The following HLCS variants were observed in gnomAD, a reference collection of about 807,000 sequenced individuals.
HLCS encodes holocarboxylase synthetase, also known as biotin--protein ligase.
HLCS carries 53 observed loss-of-function variants against 75.0 expected under a neutral mutation model. That is an observed-to-expected ratio of 0.71 (90% CI 0.57 to 0.89). The LOEUF (loss-of-function observed/expected upper bound fraction) is 0.89, where lower values mean the gene tolerates loss of function less well. HLCS is among the 40% of genes least tolerant of loss of function. HLCS has a pLI of 0.00. For missense variants in HLCS, 966 were observed against 1,074.0 expected (o/e 0.90, Z 1.41); for synonymous variants, 431 against 428.6 (o/e 1.01, Z -0.07).
chr21:36,797,022 A>T (rs2061046390), intron 6 of HLCS, among the ~76,000 whole-genome samples: 1 of 152,058 alleles, frequency 6.6e-6, no homozygotes, highest in South Asian at 2.1e-4. Flanking sequence ...GCACACAACC[A>T]CACCCGGCTA....
At position 36,892,410 on chromosome 21, in the gene HLCS, G is replaced by A. The variant is rs7278981; in HGVS notation, c.1892+4450C>T. Among the ~76,000 whole-genome samples, 1,433 of 152,324 alleles carry A rather than the reference G, an allele frequency of 9.4e-3. 15 individuals are homozygous for A. Among genetic ancestry groups the A allele is most frequent in the African/African-American group, 0.029 (1,206 of 41,566 alleles). On this transcript the variant is annotated intron_variant, in intron 6 of 10. Transcript: ENST00000674895. The stretch of plus-strand genomic sequence containing the variant: ...GGGGGTGCAGGGAGACTTGATGGTC[G>A]TGATTTCTACTACAGCAGTGTGGCA...
intron 5 of HLCS, among the ~76,000 whole-genome samples, chr21:36,898,427 A>G (rs1272651127): frequency 7.6e-6 from 1 of 131,952 alleles, no homozygotes; most frequent in Non-Finnish European, 1.6e-5. Flanking sequence ...GCCTGGCAAC[A>G]AAGAGTGAAA....
chr21:36,786,764 T>A (rs1397757138), intron 6 of HLCS, among the ~76,000 whole-genome samples: 3 of 152,232 alleles, frequency 2.0e-5, no homozygotes, highest in Non-Finnish European at 4.4e-5. Context: ...TCCTATGAAT[T>A]AAATGACATA....
chr21:36,820,161 T>A (rs1048337861), intron 6 of HLCS, among the ~76,000 whole-genome samples: 58 of 152,114 alleles, frequency 3.8e-4, no homozygotes, highest in Non-Finnish European at 8.8e-5. Context: ...CAGGGAGCAG[T>A]GGCCTGGCAG....
intron 2 of HLCS, among the ~76,000 whole-genome samples, chr21:36,960,135 C>A (rs1311700899): frequency 1.9e-5 from 2 of 106,458 alleles, no homozygotes; most frequent in East Asian, 3.6e-4. Context: ...CCACCCACCC[C>A]CCCCCCCCCC....
chr21:36,956,883 C>T (rs1192809546), intron 2 of HLCS, among the ~76,000 whole-genome samples: 1 of 151,824 alleles, frequency 6.6e-6, no homozygotes, highest in Non-Finnish European at 1.5e-5. Flanking sequence ...AAAACCCCGT[C>T]TCTACTAAAA....
intron 1 of HLCS, among the ~76,000 whole-genome samples, chr21:36,979,983 G>A (rs900340830): frequency 1.1e-4 from 13 of 123,080 alleles, no homozygotes; most frequent in African/African-American, 2.8e-4. Flanking sequence ...CCGCAATCAC[G>A]CCACTTGTAC....
chr21:36,789,568 GTAA>G (rs1473198229), intron 6 of HLCS, among the ~76,000 whole-genome samples: 3 of 152,176 alleles, frequency 2.0e-5, no homozygotes, highest in Non-Finnish European at 4.4e-5. Flanking sequence ...GAAGACCAAA[GTAA>G]TGTTTCCCTT....
intron 6 of HLCS, among the ~76,000 whole-genome samples, chr21:36,858,480 C>T (rs1176238632): frequency 1.3e-5 from 2 of 152,190 alleles, no homozygotes; most frequent in African/African-American, 4.8e-5. Context: ...TGAAACAGCA[C>T]TGAATATGTT....
intron 1 of HLCS, among the ~76,000 whole-genome samples, chr21:36,964,686 T>A (rs2068475076): frequency 6.6e-6 from 1 of 152,244 alleles, no homozygotes; most frequent in African/African-American, 2.4e-5. Flanking sequence ...TACTCCGGCC[T>A]GCACAGGTAG....
At chr21:36,942,819 A>AGG in intron 2 of HLCS, among the ~76,000 whole-genome samples, 1 of 152,086 alleles carries the variant, frequency 6.6e-6, no homozygotes, top group Non-Finnish European at 1.5e-5. Flanking sequence ...AGTCCCAGCT[A>AGG]CTAGGGAGGC....
At chr21:36,865,377 C>G (rs8134083) in intron 6 of HLCS, among the ~76,000 whole-genome samples, 43,703 of 151,324 alleles carry the variant, frequency 0.29, 7,521 homozygotes, top group African/African-American at 0.49. Flanking sequence ...AAAGGAGATG[C>G]AAGCAGGAAA....
intron 6 of HLCS, among the ~76,000 whole-genome samples, chr21:36,879,896 C>T (rs903203811): frequency 2.8e-5 from 4 of 143,564 alleles, no homozygotes; most frequent in Non-Finnish European, 4.5e-5. Context: ...GATGACAGAG[C>T]AAGATCCCAT....
chr21:36,814,961 G>C (rs2061616569), intron 6 of HLCS, among the ~76,000 whole-genome samples: 1 of 152,158 alleles, frequency 6.6e-6, no homozygotes, highest in African/African-American at 2.4e-5. Context: ...TGAGGGCCAG[G>C]GAAGGCCATG....
At chr21:36,873,945 T>A (rs1196254343) in intron 6 of HLCS, among the ~76,000 whole-genome samples, 1 of 152,216 alleles carries the variant, frequency 6.6e-6, no homozygotes, top group Non-Finnish European at 1.5e-5. Context: ...TTTATAGTTA[T>A]TGCTTTCTGT....
intron 4 of HLCS, among the ~76,000 whole-genome samples, chr21:36,932,640 A>G (rs1356600083): frequency 6.6e-6 from 1 of 152,212 alleles, no homozygotes; most frequent in Non-Finnish European, 1.5e-5. Context: ...AACACTGAGT[A>G]CCCAGAAAAG....
intron 10 of HLCS, 110 bp downstream of exon 10, chr21:36,756,432 C>A: frequency 1.4e-6 from 1 of 701,534 alleles, no homozygotes; most frequent in Non-Finnish European, 2.1e-6. Context: ...GCCTGGGCGA[C>A]AGAGTGAGAC....
chr21:36,927,987 G>C (rs2066479591), intron 5 of HLCS, among the ~76,000 whole-genome samples: 1 of 152,112 alleles, frequency 6.6e-6, no homozygotes, highest in Non-Finnish European at 1.5e-5. Context: ...GAGGATGACT[G>C]AGATCTGTTA....
rs532491068 is a variant in HLCS at position 36,818,720 on chromosome 21, G to A, written c.1893-51435C>T. On this transcript the variant is annotated intron_variant, in intron 6 of 10. Coordinates refer to ENST00000674895, the MANE Select transcript of HLCS (RefSeq NM_001352514.2). ...ACTTAATTTCCCTTGGAGGAGCGGC[G>A]GTATTTGAACACTTCTCTTTTTCTC... Among the ~76,000 whole-genome samples, 27 of 152,260 alleles carry A rather than the reference G, an allele frequency of 1.8e-4. No homozygotes were observed. In the Middle Eastern group the frequency reaches 0.01, roughly 58 times the overall value.
Sources: gnomAD v4.1 joint callset for allele counts (sites outside exome capture counted in the v4.1 genomes callset) on GRCh38, gnomAD v4.1.1 for gene constraint, MANE v1.5 for transcripts, NCBI Gene and HGNC (gene_info 2026-07-23, HGNC 2026-07-21) for gene names.